Variants in DPH6 observed in about 807,000 individuals in gnomAD.
DPH6 encodes the protein diphthine--ammonia ligase.
A neutral mutation model predicts 38.2 loss-of-function variants in DPH6; 33 were observed. That is an observed-to-expected ratio of 0.86 (90% CI 0.65 to 1.15). The LOEUF is 1.15. Among genes scored for constraint, DPH6 ranks in the 50% most tolerant of loss-of-function variants. DPH6 has a pLI of 0.00. For missense variants in DPH6, 325 were observed against 320.0 expected (o/e 1.02, Z -0.12); for synonymous variants, 108 against 103.0 (o/e 1.05, Z -0.30).
rs2051718550 is a variant in DPH6 at position 35,257,843 on chromosome 15, C to G, written n.201-37261G>C. On this transcript the variant is annotated intron_variant and non_coding_transcript_variant, in intron 3 of 3. Transcript: ENST00000560386. ...ATTACAATGCATAGTAAGTAATTAG[C>G]AGGAAAACTTTACCTTGATTGAGTG... 4.6e-5 allele frequency among the ~76,000 whole-genome samples: 7 copies of G among 151,438 alleles called. No homozygotes were observed. The South Asian group carries it at 1.5e-3, about 32-fold the overall frequency.
chr15:35,357,517 T>C (rs541593465), intron 3 of DPH6, among the ~76,000 whole-genome samples: 78 of 152,376 alleles, frequency 5.1e-4, no homozygotes, highest in African/African-American at 1.8e-3. Context: ...TGTCTTGTTG[T>C]GTTTTCAGGA....
rs577484644 is a variant in DPH6, at chr15:35,290,457, C to T, written n.201-69875G>A. On this transcript the variant is annotated intron_variant and non_coding_transcript_variant, in intron 3 of 3. Transcript: ENST00000560386. ...ATTAGGATCAGTTGTCAAGGCCAGG[C>T]CATTAATGAAAGAACATGTCAGAGG... Among the ~76,000 whole-genome samples the T allele has an allele frequency of 3.3e-5, 5 of 152,248 alleles. No individual in the cohort carries two copies. In the South Asian group the frequency reaches 1.0e-3, roughly 32 times the overall value.
chr15:35,228,650 A>C (rs1303014932), intron 3 of DPH6, among the ~76,000 whole-genome samples: 2 of 152,070 alleles, frequency 1.3e-5, no homozygotes, highest in Non-Finnish European at 2.9e-5. Context: ...TGAACCAGTG[A>C]GTTTTATACC....
At chr15:35,480,888 A>G (rs2054318258) in intron 3 of DPH6, among the ~76,000 whole-genome samples, 1 of 152,126 alleles carries the variant, frequency 6.6e-6, no homozygotes, top group Non-Finnish European at 1.5e-5. Context: ...ATAGAATTGT[A>G]ATATCACCAT....
intron 3 of DPH6, among the ~76,000 whole-genome samples, chr15:35,317,603 G>T (rs1449664614): frequency 1.4e-5 from 2 of 145,168 alleles, no homozygotes; most frequent in Non-Finnish European, 3.0e-5. Flanking sequence ...AAAAAAAAAA[G>T]AAAAAAAGAA....
chr15:35,394,657 T>C (rs1042461391), intron 6 of DPH6, among the ~76,000 whole-genome samples: 1 of 152,208 alleles, frequency 6.6e-6, no homozygotes, highest in Non-Finnish European at 1.5e-5. Flanking sequence ...TGTCACTTTC[T>C]AGCTACATGA....
chr15:35,467,726 T>C (rs960442459), intron 3 of DPH6, among the ~76,000 whole-genome samples: 3 of 152,028 alleles, frequency 2.0e-5, no homozygotes, highest in Non-Finnish European at 4.4e-5. Context: ...GTCATTCCTA[T>C]AACAACAAGG....
intron 3 of DPH6, among the ~76,000 whole-genome samples, chr15:35,277,141 C>A (rs958559570): frequency 2.0e-5 from 3 of 152,154 alleles, no homozygotes; most frequent in African/African-American, 7.2e-5. Flanking sequence ...AGAGGTCTTT[C>A]ACCTCCTTGA....
chr15:35,488,299 C>A (rs912568485), intron 3 of DPH6, among the ~76,000 whole-genome samples: 3 of 152,202 alleles, frequency 2.0e-5, no homozygotes, highest in Non-Finnish European at 2.9e-5. Context: ...ATCTTTCTAG[C>A]AGTGCCCCAA....
intron 3 of DPH6, among the ~76,000 whole-genome samples, chr15:35,280,096 C>A (rs1168008362): frequency 6.6e-6 from 1 of 152,198 alleles, no homozygotes; most frequent in Non-Finnish European, 1.5e-5. Context: ...AAATAAATTT[C>A]TGTCCTTTGA....
chr15:35,315,918 T>C (rs1408796606), intron 3 of DPH6, among the ~76,000 whole-genome samples: 1 of 152,096 alleles, frequency 6.6e-6, no homozygotes, highest in Non-Finnish European at 1.5e-5. Flanking sequence ...AGTCACTACA[T>C]TAAGTGAAAT....
chr15:35,248,143 C>G (rs2051648388), intron 3 of DPH6, among the ~76,000 whole-genome samples: 1 of 152,122 alleles, frequency 6.6e-6, no homozygotes, highest in Non-Finnish European at 1.5e-5. Context: ...AAAGTGAAAG[C>G]CTCAGAAGCA....
At chr15:35,541,236 C>T (rs2055639583) in intron 2 of DPH6, among the ~76,000 whole-genome samples, 1 of 152,068 alleles carries the variant, frequency 6.6e-6, no homozygotes, top group African/African-American at 2.4e-5. Context: ...TCCAGCATTA[C>T]TTACATCTTA....
intron 3 of DPH6, among the ~76,000 whole-genome samples, chr15:35,319,779 AAT>A (rs1248321000): frequency 3.3e-5 from 5 of 151,350 alleles, no homozygotes; most frequent in African/African-American, 1.2e-4. Context: ...TATTTATAAT[AAT>A]ATATAATAAA....
Position 35,279,068 on chromosome 15 carries a change from A to AATATAT in DPH6, n.201-58492_201-58487dup, listed in dbSNP as rs1555390827. On this transcript the variant is annotated intron_variant and non_coding_transcript_variant, in intron 3 of 3. Transcript: ENST00000560386. ...TGTCTCAAAAAAAAAAAAAAAAAAA[A>AATATAT]ATATATATATATATATAATTTTGGA... is the stretch of plus-strand genomic sequence containing the variant. Among the ~76,000 whole-genome samples the AATATAT allele has an allele frequency of 6.3e-4, 65 of 102,958 alleles. 1 individual carries two copies. Among genetic ancestry groups the AATATAT allele is most frequent in the East Asian group, 3.2e-3 (9 of 2,826 alleles). 67.5% of individuals were successfully genotyped at this position (102,958 alleles called of 152,430 possible). A position where few individuals can be genotyped will look rare whatever the true frequency, so the allele number is the denominator to read the frequency against.
At chr15:35,181,293 A>C in the DPH6 span, among the ~76,000 whole-genome samples, 1 of 151,936 alleles carries the variant, frequency 6.6e-6, no homozygotes, top group African/African-American at 2.4e-5. Flanking sequence ...CAAGCACCTA[A>C]ACATTCTTTC....
chr15:35,259,135 A>T (rs541745714), intron 3 of DPH6, among the ~76,000 whole-genome samples: 1 of 110,264 alleles, frequency 9.1e-6, no homozygotes, highest in Admixed American at 9.6e-5. Context: ...ACACAGCAAG[A>T]CTCCGTCTCA....
At chr15:35,169,884 G>A in the DPH6 span, among the ~76,000 whole-genome samples, 1 of 152,146 alleles carries the variant, frequency 6.6e-6, no homozygotes, top group African/African-American at 2.4e-5. Flanking sequence ...TAAATGAGCA[G>A]GTAGTTATTC....
chr15:35,303,658 G>T (rs879115565), intron 3 of DPH6, among the ~76,000 whole-genome samples: 2 of 143,436 alleles, frequency 1.4e-5, no homozygotes, highest in African/African-American at 5.9e-5. Flanking sequence ...CAGTTTTGGT[G>T]AAGAGAAAAT....
Sources: allele counts gnomAD v4.1 joint callset (sites outside exome capture counted in the v4.1 genomes callset), GRCh38; gene constraint gnomAD v4.1.1; transcripts MANE v1.5; gene names NCBI Gene and HGNC (gene_info 2026-07-23, HGNC 2026-07-21).